Variants in CENPE observed in about 807,000 individuals in gnomAD.
CENPE encodes centromere protein E, also known as centromere-associated protein E.
In CENPE, 145 loss-of-function variants were observed where a neutral mutation model predicts 336.1. The ratio of observed to expected loss-of-function variants is 0.43; its 90% CI spans 0.38 to 0.50. The LOEUF is 0.50. Among genes scored for constraint, CENPE ranks in the 20% least tolerant of loss-of-function variants. CENPE has a pLI of 0.00. For synonymous variants in CENPE, 1,013 were observed against 984.8 expected (o/e 1.03, Z -0.54); for missense variants, 2,719 against 3,023.3 (o/e 0.90, Z 2.36).
intron 44 of CENPE, among the ~76,000 whole-genome samples, chr4:103,117,099 A>G (rs1750196173): frequency 6.6e-6 from 1 of 152,216 alleles, no homozygotes; most frequent in Admixed American, 6.5e-5. Flanking sequence ...AATTTAAGCC[A>G]CAAAACAAAG....
At chr4:103,188,992 C>T (rs1757053108) in intron 8 of CENPE, among the ~76,000 whole-genome samples, 2 of 152,130 alleles carry the variant, frequency 1.3e-5, no homozygotes, top group African/African-American at 4.8e-5. Flanking sequence ...ATACAAACTA[C>T]CATCAGAGAA....
At chr4:103,140,504 T>G in intron 36 of CENPE, 90 bp from the exon 37 acceptor site, 1 of 965,852 alleles carries the variant, frequency 1.0e-6, no homozygotes, top group South Asian at 1.9e-5. Context: ...TCTTAAAAAT[T>G]ATACACTCAC....
At chr4:103,197,379 C>T (rs1248366909) in intron 1 of CENPE, among the ~76,000 whole-genome samples, 1 of 152,210 alleles carries the variant, frequency 6.6e-6, no homozygotes, top group African/African-American at 2.4e-5. Context: ...CACCAGTTCA[C>T]CCCACGGGAA....
rs767450086 is a variant in CENPE, at chr4:103,181,346, T to C, written c.1074A>G (p.Gln358=). The stretch of plus-strand genomic sequence containing the variant: ...AATGATTCATACATACCTCCTCTAA[T>C]TGTTTTTTAAGATCCATTATTTCTT... ...YRKEIMDLKK[Q]LEEVSLETRA... The change falls in exon 12 of 49, where the codon CAA becomes CAG. Residue 358 remains glutamine (Q), a synonymous_variant. Coordinates refer to ENST00000265148, the MANE Select transcript of CENPE (RefSeq NM_001813.3). 7.8e-6 allele frequency: 12 copies of C among 1,535,296 alleles called. No individual in the cohort carries two copies. The highest frequency in any genetic ancestry group is 1.1e-5 in the Non-Finnish European group (12 of 1,132,066).
chr4:103,157,560 T>C (rs1754064187), intron 24 of CENPE, among the ~76,000 whole-genome samples: 1 of 151,874 alleles, frequency 6.6e-6, no homozygotes, highest in Non-Finnish European at 1.5e-5. Context: ...AAATAAATGG[T>C]GGTAGCCAGG....
At chr4:103,156,334 T>G (rs1753955358) in intron 24 of CENPE, among the ~76,000 whole-genome samples, 1 of 152,100 alleles carries the variant, frequency 6.6e-6, no homozygotes, top group Middle Eastern at 3.2e-3. Context: ...ATTTCAAAAC[T>G]TATAAAGCTA....
intron 40 of CENPE, among the ~76,000 whole-genome samples, chr4:103,135,593 A>G (rs986069215): frequency 1.3e-5 from 2 of 152,114 alleles, no homozygotes; most frequent in African/African-American, 4.8e-5. Context: ...GTCACATATA[A>G]TATCTCATCT....
chr4:103,197,765 G>A (rs936657366), intron 1 of CENPE, among the ~76,000 whole-genome samples: 1 of 152,186 alleles, frequency 6.6e-6, no homozygotes, highest in Non-Finnish European at 1.5e-5. Flanking sequence ...GAGCCACTGG[G>A]CAATGACGGG....
intron 44 of CENPE, 111 bp from the exon 45 acceptor site, chr4:103,116,800 A>T (rs1414910020): frequency 1.8e-6 from 1 of 553,904 alleles, no homozygotes; most frequent in African/African-American, 2.0e-5. Flanking sequence ...TAAAATAGCA[A>T]ACAATTCCAA....
chr4:103,195,008 G>C (rs888173238), intron 5 of CENPE, 106 bp downstream of exon 5: 1 of 1,017,236 alleles, frequency 9.8e-7, no homozygotes, highest in Non-Finnish European at 1.4e-6. Context: ...ACATACTATA[G>C]AAATAGGAGA....
intron 8 of CENPE, among the ~76,000 whole-genome samples, chr4:103,188,929 A>C (rs1453240315): frequency 6.6e-6 from 1 of 152,204 alleles, no homozygotes; most frequent in Admixed American, 6.5e-5. Context: ...GAGAAGAATC[A>C]AATAGACCCA....
intron 44 of CENPE, among the ~76,000 whole-genome samples, 197 bp downstream of exon 44, chr4:103,119,951 T>C (rs975986213): frequency 6.6e-6 from 1 of 151,966 alleles, no homozygotes; most frequent in Non-Finnish European, 1.5e-5. Flanking sequence ...ATAATAAAAA[T>C]AATATTTTAT....
intron 42 of CENPE, among the ~76,000 whole-genome samples, chr4:103,125,157 T>C (rs548409380): frequency 6.6e-6 from 1 of 152,338 alleles, no homozygotes; most frequent in South Asian, 2.1e-4. Context: ...GCGAAAACTT[T>C]TTAAAAAAGG....
Position 103,158,850 on chromosome 4 carries a change from G to A in CENPE, c.2638C>T (p.Arg880Cys), listed in dbSNP as rs773744712. Residue 880 changes from arginine to cysteine, a missense_variant, in exon 23 of 49, where the codon CGT (arginine) becomes TGT (cysteine). Arg to Cys is a radical substitution (Grantham distance 180, BLOSUM62 -3). Coordinates refer to ENST00000265148, the MANE Select transcript of CENPE (RefSeq NM_001813.3). ...YKTQELQEKT[R>C]EVQERLNEME... ...TCATTTAGTCTTTCTTGAACCTCAC[G>A]TGTTTTCTCCTGAAGTTCTTGGGTC... 5 of 1,606,044 alleles carry A rather than the reference G, an allele frequency of 3.1e-6. No individual in the cohort carries two copies. The highest frequency in any genetic ancestry group is 1.1e-5 in the South Asian group (1 of 88,784).
chr4:103,178,358 CA>C (rs1320654572), intron 13 of CENPE, among the ~76,000 whole-genome samples: 1 of 152,164 alleles, frequency 6.6e-6, no homozygotes, highest in Non-Finnish European at 1.5e-5. Flanking sequence ...TAGCCTATTT[CA>C]AACCCTTAGT....
chr4:103,141,237 T>G (rs1490106171), intron 35 of CENPE, 133 bp from the exon 36 acceptor site: 8 of 596,948 alleles, frequency 1.3e-5, no homozygotes, highest in Non-Finnish European at 2.3e-5. Context: ...CACAGAATTT[T>G]ACTTTCTTTT....
chr4:103,120,361 C>T (rs746534773), intron 43 of CENPE, 28 bp from the exon 44 acceptor site: 1 of 1,562,322 alleles, frequency 6.4e-7, no homozygotes, highest in South Asian at 1.2e-5. Context: ...CATTCATAAG[C>T]TCTATCATCA....
intron 28 of CENPE, 136 bp downstream of exon 28, chr4:103,148,708 G>T: frequency 1.3e-6 from 1 of 759,502 alleles, no homozygotes; most frequent in Non-Finnish European, 2.1e-6. Context: ...GAGTGTGCCT[G>T]CCACATTAAA....
chr4:103,175,939 C>A, intron 15 of CENPE, 21 bp downstream of exon 15: 1 of 1,406,554 alleles, frequency 7.1e-7, no homozygotes, highest in South Asian at 1.2e-5. Flanking sequence ...GCATTATATG[C>A]TGTAAAATAC....
Sources: allele counts gnomAD v4.1 joint callset (sites outside exome capture counted in the v4.1 genomes callset), GRCh38; gene constraint gnomAD v4.1.1; transcripts MANE v1.5; gene names NCBI Gene and HGNC (gene_info 2026-07-23, HGNC 2026-07-21).